TNFSF4: variants seen among roughly 807,000 people sequenced by gnomAD.
The protein encoded by TNFSF4 is TNF superfamily member 4.
Under a neutral mutation model 7.3 loss-of-function variants are expected in TNFSF4, and 4 were observed. That is an observed-to-expected ratio of 0.55 (90% CI 0.27 to 1.25). The LOEUF (loss-of-function observed/expected upper bound fraction) is 1.25, where lower values mean the gene tolerates loss of function less well. TNFSF4 is among the 50% of genes most tolerant of loss of function. TNFSF4 has a pLI of 0.12. For synonymous variants in TNFSF4, 76 were observed against 83.7 expected, an observed-to-expected ratio of 0.91 and a Z score of 0.50; for missense variants, 181 against 208.8, an observed-to-expected ratio of 0.87 and a Z score of 0.82.
At chr1:173,313,208 C>T in the TNFSF4 span, among the ~76,000 whole-genome samples, 1 of 152,076 alleles carries the variant, frequency 6.6e-6, no homozygotes, top group African/African-American at 2.4e-5. Flanking sequence ...AGTCATTGCC[C>T]ATTATACAGT....
intron 1 of TNFSF4, among the ~76,000 whole-genome samples, chr1:173,194,459 TTTGACAGCA>T (rs1649611035): frequency 6.6e-6 from 1 of 152,188 alleles, no homozygotes; most frequent in African/African-American, 2.4e-5. Flanking sequence ...CACTGTAGGC[TTTGACAGCA>T]CAAGGAGGAA....
chr1:173,315,976 C>A, the TNFSF4 span, among the ~76,000 whole-genome samples: 18 of 152,220 alleles, frequency 1.2e-4, no homozygotes, highest in Non-Finnish European at 2.5e-4. Context: ...TTGTCAAGGC[C>A]AATGTCAAGC....
At chr1:173,411,040 G>T in the TNFSF4 span, among the ~76,000 whole-genome samples, 1 of 152,206 alleles carries the variant, frequency 6.6e-6, no homozygotes, top group Non-Finnish European at 1.5e-5. Context: ...AAGTCCCTCT[G>T]ATTTCCCCCT....
chr1:173,375,261 C>T, the TNFSF4 span, among the ~76,000 whole-genome samples: 1 of 152,196 alleles, frequency 6.6e-6, no homozygotes, highest in Non-Finnish European at 1.5e-5. Context: ...ACCAAGGACC[C>T]CTGGACTGAC....
the TNFSF4 span, among the ~76,000 whole-genome samples, chr1:173,227,208 T>C: frequency 6.6e-6 from 1 of 152,148 alleles, no homozygotes; most frequent in African/African-American, 2.4e-5. Context: ...AATGTTTAAA[T>C]CTAATTAATG....
intron 1 of TNFSF4, among the ~76,000 whole-genome samples, chr1:173,191,652 T>G (rs1293091845): frequency 6.6e-6 from 1 of 152,228 alleles, no homozygotes; most frequent in Non-Finnish European, 1.5e-5. Flanking sequence ...GTAGGCAGCC[T>G]GGTAGGATGG....
At chr1:173,274,076 A>G in the TNFSF4 span, among the ~76,000 whole-genome samples, 10 of 151,602 alleles carry the variant, frequency 6.6e-5, 1 homozygote, top group East Asian at 1.9e-3. Context: ...TTTCTAGCCC[A>G]TGAGGCAATC....
chr1:173,369,097 C>T, the TNFSF4 span, among the ~76,000 whole-genome samples: 2 of 152,126 alleles, frequency 1.3e-5, no homozygotes, highest in Admixed American at 1.3e-4. Flanking sequence ...TATGGGGAGC[C>T]TCAGAAATTA....
chr1:173,244,534 T>C, the TNFSF4 span, among the ~76,000 whole-genome samples: 2 of 147,458 alleles, frequency 1.4e-5, no homozygotes, highest in Non-Finnish European at 3.0e-5. Flanking sequence ...CCCAGCTACT[T>C]GGGAGGCTGA....
the TNFSF4 span, among the ~76,000 whole-genome samples, chr1:173,370,636 C>T: frequency 0.014 from 2,168 of 152,264 alleles, 28 homozygotes; most frequent in Middle Eastern, 0.048. Flanking sequence ...AGTTTATTAC[C>T]CAATCAGCCA....
chr1:173,433,105 TAAAAA>T, the TNFSF4 span, among the ~76,000 whole-genome samples: 1 of 152,000 alleles, frequency 6.6e-6, no homozygotes, highest in Non-Finnish European at 1.5e-5. Context: ...ACTGGGAAAA[TAAAAA>T]TAAGCAAACA....
intron 1 of TNFSF4, among the ~76,000 whole-genome samples, chr1:173,195,196 T>A (rs1382502111): frequency 6.6e-6 from 1 of 152,214 alleles, no homozygotes; most frequent in Non-Finnish European, 1.5e-5. Flanking sequence ...CTAAATTAAC[T>A]TGAATTGTTT....
chr1:173,396,639 T>G, the TNFSF4 span, among the ~76,000 whole-genome samples: 3 of 152,186 alleles, frequency 2.0e-5, no homozygotes, highest in Non-Finnish European at 4.4e-5. Flanking sequence ...TAGAAAGGGC[T>G]CTACATTTTT....
chr1:173,329,238 T>C, the TNFSF4 span, among the ~76,000 whole-genome samples: 1 of 152,176 alleles, frequency 6.6e-6, no homozygotes, highest in Non-Finnish European at 1.5e-5. Flanking sequence ...AAGTCCTTTA[T>C]ATAAAATGAC....
At chr1:173,272,104 A>G in the TNFSF4 span, among the ~76,000 whole-genome samples, 1 of 152,158 alleles carries the variant, frequency 6.6e-6, no homozygotes, top group Non-Finnish European at 1.5e-5. Context: ...AGGACAGAAA[A>G]CCAAACACCA....
chr1:173,331,221 G>A, the TNFSF4 span, among the ~76,000 whole-genome samples: 3 of 152,292 alleles, frequency 2.0e-5, no homozygotes, highest in East Asian at 5.8e-4. Context: ...AGTAAAAGAT[G>A]TATAGTCTCA....
the TNFSF4 span, among the ~76,000 whole-genome samples, chr1:173,421,667 C>T: frequency 6.6e-6 from 1 of 151,658 alleles, no homozygotes; most frequent in Non-Finnish European, 1.5e-5. Flanking sequence ...GCCAATTTAT[C>T]GTTTCTGGAA....
At chr1:173,332,827 C>T in the TNFSF4 span, among the ~76,000 whole-genome samples, 15 of 151,986 alleles carry the variant, frequency 9.9e-5, no homozygotes, top group Non-Finnish European at 2.2e-4. Context: ...GCCTGGGTGA[C>T]AGAGCAAGAC....
the TNFSF4 span, among the ~76,000 whole-genome samples, chr1:173,362,088 T>A: frequency 6.6e-6 from 1 of 152,238 alleles, no homozygotes; most frequent in Non-Finnish European, 1.5e-5. Context: ...AATTTCTATG[T>A]AAGCATGAGA....
Sources: allele counts gnomAD v4.1 joint callset (sites outside exome capture counted in the v4.1 genomes callset), GRCh38; gene constraint gnomAD v4.1.1; transcripts MANE v1.5; gene names NCBI Gene and HGNC (gene_info 2026-07-23, HGNC 2026-07-21).